Variants in SLC22A2 observed in about 807,000 individuals in gnomAD.
The protein encoded by SLC22A2 is organic cation transporter 2.
A neutral mutation model predicts 60.5 loss-of-function variants in SLC22A2; 46 were observed. That is an observed-to-expected ratio of 0.76 (90% confidence interval 0.60 to 0.97). The LOEUF (loss-of-function observed/expected upper bound fraction) is 0.97. Ranked by LOEUF, SLC22A2 falls within the 50% of genes least tolerant of loss-of-function variation. SLC22A2 has a pLI of 0.00. For missense variants in SLC22A2, 701 were observed against 706.6 expected, an observed-to-expected ratio of 0.99 and a Z score of 0.09; for synonymous variants, 303 against 267.0, an observed-to-expected ratio of 1.13 and a Z score of -1.31.
intron 4 of SLC22A2, among the ~76,000 whole-genome samples, chr6:160,248,839 G>C (rs191097659): frequency 1.3e-5 from 2 of 152,210 alleles, no homozygotes; most frequent in Non-Finnish European, 2.9e-5. Context: ...GCCATGCTCT[G>C]CTTTCTCCAC....
At chr6:160,229,914 A>G (rs1306550861) in intron 9 of SLC22A2, among the ~76,000 whole-genome samples, 1 of 151,808 alleles carries the variant, frequency 6.6e-6, no homozygotes, top group East Asian at 1.9e-4. Context: ...CAAAATCTAG[A>G]TAATTCTTGT....
chr6:160,231,690 T>C (rs1347988936), intron 9 of SLC22A2, among the ~76,000 whole-genome samples: 1 of 151,880 alleles, frequency 6.6e-6, no homozygotes, highest in Non-Finnish European at 1.5e-5. Flanking sequence ...CAAACCCATA[T>C]ACTCTCCTAT....
intron 2 of SLC22A2, among the ~76,000 whole-genome samples, chr6:160,254,231 T>C (rs1046620022): frequency 1.3e-5 from 2 of 152,052 alleles, no homozygotes; most frequent in African/African-American, 2.4e-5. Context: ...TGAGCCAAGA[T>C]TGCACCACTG....
At chr6:160,233,145 C>T (rs1379503671) in intron 9 of SLC22A2, among the ~76,000 whole-genome samples, 1 of 151,998 alleles carries the variant, frequency 6.6e-6, no homozygotes, top group Non-Finnish European at 1.5e-5. Flanking sequence ...CCAGGACTGG[C>T]AAATTGACTT....
intron 10 of SLC22A2, chr6:160,218,124 C>T (rs1184421326): frequency 5.1e-6 from 1 of 194,200 alleles, no homozygotes; most frequent in Non-Finnish European, 1.1e-5. Flanking sequence ...ACAGAATTTC[C>T]CCCACCTGGA....
rs1484407386 is a variant in SLC22A2, at chr6:160,216,781, T to C, written c.*651A>G. The C allele has an allele frequency of 6.6e-6, 1 of 152,136 alleles. No homozygotes were observed. The highest frequency in any genetic ancestry group is 1.9e-4 in the East Asian group (1 of 5,206). 9.4% of individuals were successfully genotyped at this position (152,136 alleles called of 1,614,324 possible). ...GGTTTTATAATGCTAACATTTTTTA[T>C]TGAACTCTTCTCAAGGTCTTTTGTA... On this transcript the variant is annotated 3_prime_UTR_variant, in exon 11 of 11. Transcript: ENST00000366953.
Position 160,230,506 on chromosome 6 carries a change from G to A in SLC22A2, c.1502-5702C>T, listed in dbSNP as rs192568739. 6.8e-4 allele frequency among the ~76,000 whole-genome samples: 104 copies of A among 151,976 alleles called. 3 individuals are homozygous for A. In the East Asian group the frequency reaches 0.015, roughly 23 times the overall value. ...TTCTAAATATGCATTTTATTACCCAGTCAGCTCCTGACATTAGAATAAAGC... is the reference window on the plus strand; with the variant it reads ...TTCTAAATATGCATTTTATTACCCAATCAGCTCCTGACATTAGAATAAAGC... On this transcript the variant is annotated intron_variant, in intron 9 of 10. Transcript: ENST00000366953.
chr6:160,243,423 T>A (rs1223357701), intron 7 of SLC22A2, 149 bp downstream of exon 7: 1 of 639,748 alleles, frequency 1.6e-6, no homozygotes. Context: ...CCATATGAAT[T>A]TGCTCAGAAG....
chr6:160,219,083 TCAG>T (rs1782597256), intron 10 of SLC22A2, among the ~76,000 whole-genome samples: 1 of 1,988 alleles, frequency 5.0e-4, no homozygotes, highest in South Asian at 0.011. Flanking sequence ...AGTAGCAGCA[TCAG>T]CAACAATAAC....
chr6:160,231,103 A>G (rs1386333617), intron 9 of SLC22A2, among the ~76,000 whole-genome samples: 1 of 151,730 alleles, frequency 6.6e-6, no homozygotes, highest in Non-Finnish European at 1.5e-5. Context: ...CCTTCTTTCC[A>G]AGGGCCTATT....
At chr6:160,232,956 C>T (rs1014143435) in intron 9 of SLC22A2, among the ~76,000 whole-genome samples, 1 of 151,934 alleles carries the variant, frequency 6.6e-6, no homozygotes, top group Non-Finnish European at 1.5e-5. Flanking sequence ...TTCGTAGTCT[C>T]TTCCATGTAG....
chr6:160,241,577 G>T lies in SLC22A2; in HGVS notation c.1398C>A (p.Gly466=). The change falls in exon 9 of 11, where the codon GGC becomes GGA. Residue 466 remains glycine (G), a synonymous_variant. Transcript: ENST00000366953. ...CACACATTGAGGAACAGATGTGGAC[G>T]CCAAGATTCCTAGAATGCAGGAAAC... ...ELYPTFIRNL[G]VHICSSMCDI... The T allele has an allele frequency of 1.2e-6, 2 of 1,609,040 alleles. No homozygotes were observed. The highest frequency in any genetic ancestry group is 2.2e-5 in the South Asian group (2 of 90,938).
intron 9 of SLC22A2, among the ~76,000 whole-genome samples, chr6:160,239,952 A>G (rs566080315): frequency 6.6e-6 from 1 of 152,202 alleles, no homozygotes; most frequent in African/African-American, 2.4e-5. Flanking sequence ...GAAGAAGGGG[A>G]AGAAAAGGAA....
chr6:160,258,040 A>G (rs1196125770), intron 1 of SLC22A2: 3 of 336,988 alleles, frequency 8.9e-6, no homozygotes, highest in African/African-American at 2.1e-5. Flanking sequence ...GAGGATCCAC[A>G]ATATCCCTAT....
chr6:160,232,568 C>T (rs572390818), intron 9 of SLC22A2, among the ~76,000 whole-genome samples: 2 of 76,864 alleles, frequency 2.6e-5, no homozygotes, highest in East Asian at 9.7e-4. Flanking sequence ...TCATTAATGC[C>T]TCTTTAAAAA....
At position 160,256,680 on chromosome 6, in the gene SLC22A2, A is replaced by G; in HGVS notation, c.452T>C (p.Leu151Pro). 6.2e-7 allele frequency: 1 copy of G among 1,614,178 alleles called. No individual in the cohort carries two copies. ...LVCANSWMLD[L>P]FQSSVNVGFF... The stretch of plus-strand genomic sequence containing the variant: ...TCCTACATTCACTGATGACTGGAAT[A>G]GGTCCAACATCCAGGAGTTGGCACA... Residue 151 changes from leucine (L) to proline (P), a missense_variant, in exon 2 of 11, where the codon CTA becomes CCA. Leu to Pro is a moderately conservative substitution (Grantham distance 98). Coordinates refer to ENST00000366953, the MANE Select transcript of SLC22A2 (RefSeq NM_003058.4).
intron 10 of SLC22A2, among the ~76,000 whole-genome samples, chr6:160,219,276 TAAC>T (rs2114847124): frequency 9.5e-6 from 1 of 105,420 alleles, no homozygotes; most frequent in Non-Finnish European, 1.9e-5. Context: ...ACAATAGCAA[TAAC>T]AACAGTAATA....
chr6:160,221,071 C>G (rs315999), intron 10 of SLC22A2, among the ~76,000 whole-genome samples: 105,357 of 152,146 alleles, frequency 0.69, 38,730 homozygotes, highest in East Asian at 0.83. Flanking sequence ...CATGAAAGTC[C>G]TAAATGGCAT....
intron 9 of SLC22A2, among the ~76,000 whole-genome samples, chr6:160,226,550 G>A (rs568700063): frequency 6.6e-6 from 1 of 152,212 alleles, no homozygotes; most frequent in Admixed American, 6.5e-5. Flanking sequence ...CCCATTATTT[G>A]TGTACCTCAC....
Sources: allele counts gnomAD v4.1 joint callset (sites outside exome capture counted in the v4.1 genomes callset), GRCh38; gene constraint gnomAD v4.1.1; transcripts MANE v1.5; gene names NCBI Gene and HGNC (gene_info 2026-07-23, HGNC 2026-07-21).